SNX29: variants seen among roughly 807,000 people sequenced by gnomAD.
SNX29 encodes sorting nexin 29.
A neutral mutation model predicts 102.1 loss-of-function variants in SNX29; 78 were observed. The ratio of observed to expected loss-of-function variants is 0.76; its 90% CI spans 0.64 to 0.92. The LOEUF is 0.92. Ranked by LOEUF, SNX29 falls within the 40% of genes least tolerant of loss-of-function variation. The probability of loss-of-function intolerance (pLI) is 0.00; values close to 1 mark genes in which losing one functional copy is unlikely to be tolerated. For missense variants in SNX29, 1,280 were observed against 1,061.7 expected, an observed-to-expected ratio of 1.21 and a Z score of -2.86; for synonymous variants, 580 against 414.5, an observed-to-expected ratio of 1.40 and a Z score of -4.85.
At chr16:12,341,367 G>A (rs1243853778) in intron 15 of SNX29, among the ~76,000 whole-genome samples, 1 of 152,196 alleles carries the variant, frequency 6.6e-6, no homozygotes, top group Non-Finnish European at 1.5e-5. Flanking sequence ...TTGCAAAGCT[G>A]CCTTTAACAA....
rs116928089 is a variant in SNX29 at position 12,300,730 on chromosome 16, C to T, written c.1782+22694C>T. ...CCGTCGTGACATCTCCGTGGATTGT[C>T]TAAAGTAGGGTTTCTCAAACTCAGC... On this transcript the variant is annotated intron_variant, in intron 15 of 20. Coordinates refer to ENST00000566228, the MANE Select transcript of SNX29 (RefSeq NM_032167.5). 5.0e-3 allele frequency among the ~76,000 whole-genome samples: 754 copies of T among 152,322 alleles called. 41 individuals carry two copies. In the East Asian group the frequency reaches 0.12, roughly 24 times the overall value.
chr16:12,335,991 G>T (rs1331895747), intron 15 of SNX29, among the ~76,000 whole-genome samples: 1 of 152,190 alleles, frequency 6.6e-6, no homozygotes, highest in East Asian at 1.9e-4. Flanking sequence ...CATCCGGGAA[G>T]ACAGTCTGTC....
chr16:12,149,941 A>G (rs60382558), intron 13 of SNX29, among the ~76,000 whole-genome samples: 4,415 of 152,240 alleles, frequency 0.029, 137 homozygotes, highest in East Asian at 0.2. Flanking sequence ...ATGAAGGAAG[A>G]TGCTGTGTCA....
At chr16:12,126,810 G>C in intron 12 of SNX29, 114 bp downstream of exon 12, 1 of 1,112,818 alleles carries the variant, frequency 9.0e-7, no homozygotes, top group Non-Finnish European at 1.3e-6. Flanking sequence ...AATTGTGACT[G>C]GCTATTTCTT....
At chr16:12,501,359 G>C (rs1039867745) in intron 19 of SNX29, among the ~76,000 whole-genome samples, 1 of 152,068 alleles carries the variant, frequency 6.6e-6, no homozygotes. Context: ...AGCTAGGGTT[G>C]CACCACTACA....
intron 18 of SNX29, among the ~76,000 whole-genome samples, chr16:12,412,039 C>T (rs936580285): frequency 6.6e-6 from 1 of 152,184 alleles, no homozygotes; most frequent in African/African-American, 2.4e-5. Flanking sequence ...CAGCATTTTC[C>T]TAAGGTACCT....
intron 15 of SNX29, among the ~76,000 whole-genome samples, chr16:12,298,285 T>TATG (rs1449943456): frequency 6.6e-6 from 1 of 152,250 alleles, no homozygotes; most frequent in South Asian, 2.1e-4. Context: ...GAATAACTGG[T>TATG]ATGATGATGA....
chr16:12,187,039 G>T (rs1197661048), intron 13 of SNX29, among the ~76,000 whole-genome samples: 2 of 152,232 alleles, frequency 1.3e-5, no homozygotes, highest in Admixed American at 6.5e-5. Flanking sequence ...TTAAAGACCT[G>T]ATGGGTCCCG....
In SNX29 at chr16:12,266,686, G is replaced by GAAAAAA. The variant is rs59509183; in HGVS notation, c.1679-11236_1679-11231dup. Among the ~76,000 whole-genome samples, 1,128 of 130,866 alleles carry GAAAAAA rather than the reference G, an allele frequency of 8.6e-3. 13 individuals are homozygous for GAAAAAA. Among genetic ancestry groups the GAAAAAA allele is most frequent in the Middle Eastern group, 0.027 (7 of 260 alleles). The allele number at this position is 130,866 out of a possible 152,430, so 85.9% of individuals were successfully genotyped here. ...CATCTGCAATTCCCCATCTATTATT[G>GAAAAAA]AAAAAAAAAAAAAAAAGAATATCCC... On this transcript the variant is annotated intron_variant, in intron 14 of 20. Transcript: ENST00000566228.
intron 16 of SNX29, among the ~76,000 whole-genome samples, chr16:12,357,765 G>A (rs1161029315): frequency 2.6e-5 from 4 of 152,050 alleles, no homozygotes; most frequent in African/African-American, 4.8e-5. Flanking sequence ...ACTGTCTTAG[G>A]TTTCTTTTCT....
intron 14 of SNX29, among the ~76,000 whole-genome samples, chr16:12,270,518 G>A (rs1281624518): frequency 6.6e-6 from 1 of 152,104 alleles, no homozygotes; most frequent in East Asian, 1.9e-4. Flanking sequence ...TGGGATGAAT[G>A]GTCTCTCATG....
At chr16:12,193,296 C>T (rs2076689791) in intron 13 of SNX29, among the ~76,000 whole-genome samples, 1 of 151,904 alleles carries the variant, frequency 6.6e-6, no homozygotes, top group South Asian at 2.1e-4. Flanking sequence ...ATGGCAAAAC[C>T]CCGTCCCTAC....
chr16:12,404,003 C>A (rs1320621328), intron 18 of SNX29, among the ~76,000 whole-genome samples: 2 of 152,114 alleles, frequency 1.3e-5, no homozygotes, highest in African/African-American at 4.8e-5. Context: ...CTGGTGTGTC[C>A]TGGATCTTGA....
chr16:12,403,846 G>A (rs1363105035), intron 18 of SNX29, among the ~76,000 whole-genome samples: 2 of 152,154 alleles, frequency 1.3e-5, no homozygotes, highest in Admixed American at 6.5e-5. Flanking sequence ...GTGGTAGGTC[G>A]GGCCTTGGGC....
intron 14 of SNX29, among the ~76,000 whole-genome samples, chr16:12,255,494 T>C (rs764698319): frequency 2.6e-5 from 4 of 152,228 alleles, no homozygotes; most frequent in Non-Finnish European, 2.9e-5. Flanking sequence ...TCATTCATCC[T>C]GTCCAACTGA....
Position 12,247,127 on chromosome 16 carries a change from A to G in SNX29, c.1679-30806A>G, listed in dbSNP as rs565398234. 7.9e-5 allele frequency among the ~76,000 whole-genome samples: 12 copies of G among 152,246 alleles called. No homozygotes were observed. The East Asian group carries it at 2.3e-3, about 29-fold the overall frequency. On this transcript the variant is annotated intron_variant, in intron 14 of 20. Coordinates refer to ENST00000566228, the MANE Select transcript of SNX29 (RefSeq NM_032167.5). ...TGGTGGTATCAGCCCTGCATTTTAA[A>G]TTGATCACCTTCCCTATACGACGGG...
At chr16:12,057,744 T>A (rs1245591836) in intron 8 of SNX29, among the ~76,000 whole-genome samples, 1 of 151,888 alleles carries the variant, frequency 6.6e-6, no homozygotes, top group East Asian at 1.9e-4. Context: ...AAATGATGTT[T>A]AAGAGTGTCT....
chr16:12,495,983 G>A (rs2088801952), intron 19 of SNX29, among the ~76,000 whole-genome samples: 1 of 152,166 alleles, frequency 6.6e-6, no homozygotes, highest in Non-Finnish European at 1.5e-5. Flanking sequence ...AGGAGGTGAA[G>A]GTTTTAGTGA....
chr16:12,503,023 C>G lies in SNX29; in HGVS notation c.2179-21679C>G, dbSNP rs529701977. Among the ~76,000 whole-genome samples, 3 of 152,276 alleles carry G rather than the reference C, an allele frequency of 2.0e-5. No homozygotes were observed. In the South Asian group the frequency reaches 6.2e-4, roughly 32 times the overall value. On this transcript the variant is annotated intron_variant, in intron 19 of 20. Coordinates refer to ENST00000566228, the MANE Select transcript of SNX29 (RefSeq NM_032167.5). ...GCCTTTTTTCCCTAATCCCATGTAT[C>G]TTGTTTTGTGAACTTAAAAACATCA...
Sources: allele counts gnomAD v4.1 joint callset (sites outside exome capture counted in the v4.1 genomes callset), GRCh38; gene constraint gnomAD v4.1.1; transcripts MANE v1.5; gene names NCBI Gene and HGNC (gene_info 2026-07-23, HGNC 2026-07-21).